The following CYFIP1 variants were observed in gnomAD, a reference collection of about 807,000 sequenced individuals.
CYFIP1 encodes cytoplasmic FMR1 interacting protein 1, also known as cytoplasmic FMR1-interacting protein 1.
A neutral mutation model predicts 163.5 loss-of-function variants in CYFIP1; 58 were observed. That is an observed-to-expected ratio of 0.35 (90% CI 0.29 to 0.44). The LOEUF is 0.44. CYFIP1 is among the 20% of genes least tolerant of loss of function. The pLI, the probability that CYFIP1 is intolerant of heterozygous loss-of-function variation, is 1.00. For synonymous variants in CYFIP1, 663 were observed against 660.7 expected (o/e 1.00, Z -0.05); for missense variants, 1,338 against 1,653.8 (o/e 0.81, Z 3.31).
At chr15:22,887,680 G>C (rs1196798245) in intron 23 of CYFIP1, among the ~76,000 whole-genome samples, 2 of 152,132 alleles carry the variant, frequency 1.3e-5, no homozygotes, top group Non-Finnish European at 2.9e-5. Context: ...TGACACATCC[G>C]AGAGACAACA....
intron 1 of CYFIP1, among the ~76,000 whole-genome samples, chr15:22,975,441 CAAAAA>C (rs35556120): frequency 2.8e-5 from 2 of 71,348 alleles, no homozygotes; most frequent in Non-Finnish European, 4.8e-5. Context: ...GACTCCGTCT[CAAAAA>C]AAAAAAAAAA....
At chr15:22,946,339 G>A (rs1281642248) in intron 3 of CYFIP1, among the ~76,000 whole-genome samples, 2 of 151,576 alleles carry the variant, frequency 1.3e-5, no homozygotes, top group East Asian at 1.9e-4. Flanking sequence ...CTGTTGATGA[G>A]ACCATTAAAA....
chr15:22,872,013 G>A (rs1400574694), intron 30 of CYFIP1, among the ~76,000 whole-genome samples: 4 of 152,112 alleles, frequency 2.6e-5, no homozygotes, highest in African/African-American at 7.2e-5. Context: ...TAATACAACA[G>A]GGCTGGGCGC....
chr15:22,917,947 A>G lies in CYFIP1; in HGVS notation c.1527-12T>C. The stretch of plus-strand genomic sequence containing the variant: ...TGGCCTGCAGGACACTGAACACCCC[A>G]CCAAGTGATCAGCAAGGCCCAGAGG... On this transcript the variant is annotated splice_polypyrimidine_tract_variant and intron_variant, in intron 14 of 30. Coordinates refer to ENST00000617928, the MANE Select transcript of CYFIP1 (RefSeq NM_014608.6). This position sits in a 1 kb window ranked among gnomAD's most constrained non-coding sequence, Gnocchi z 4.2. 6.2e-7 allele frequency: 1 copy of G among 1,611,006 alleles called. No individual in the cohort carries two copies. Among genetic ancestry groups the G allele is most frequent in the Non-Finnish European group, 8.5e-7 (1 of 1,178,708 alleles).
At chr15:22,894,772 A>T (rs1396559005) in intron 22 of CYFIP1, among the ~76,000 whole-genome samples, 1 of 148,746 alleles carries the variant, frequency 6.7e-6, no homozygotes, top group Non-Finnish European at 1.5e-5. Flanking sequence ...TTTAATCAAA[A>T]TACATATATA....
At chr15:22,902,277 G>A (rs368713725) in intron 22 of CYFIP1, among the ~76,000 whole-genome samples, 2 of 152,220 alleles carry the variant, frequency 1.3e-5, no homozygotes, top group African/African-American at 2.4e-5. Context: ...TGGGTGCACC[G>A]TGCTGATCTG....
chr15:22,940,865 C>G (rs1007224872), intron 6 of CYFIP1, among the ~76,000 whole-genome samples: 1 of 152,100 alleles, frequency 6.6e-6, no homozygotes, highest in African/African-American at 2.4e-5. Flanking sequence ...CATGGTGAAA[C>G]CCCATCTCTA....
rs2060707707 is a variant in CYFIP1 at position 22,909,452 on chromosome 15, CCACA to C, written c.2269-143_2269-140del. 6 of 963,546 alleles carry C rather than the reference CCACA, an allele frequency of 6.2e-6. No homozygotes were observed. The Admixed American group carries it at 1.1e-4, about 18-fold the overall frequency. 59.7% of individuals were successfully genotyped at this position (963,546 alleles called of 1,614,324 possible). A position where few individuals can be genotyped will look rare whatever the true frequency, so the allele number is the denominator to read the frequency against. ...ACAACCACGTTCAAGACCCATCTCC[CCACA>C]TACATGGCAGCCTGTGTGTGTCTTT... On this transcript the variant is annotated intron_variant, in intron 20 of 30. Coordinates refer to ENST00000617928, the MANE Select transcript of CYFIP1 (RefSeq NM_014608.6).
chr15:22,935,956 T>A (rs2061698242), intron 9 of CYFIP1, among the ~76,000 whole-genome samples: 1 of 152,148 alleles, frequency 6.6e-6, no homozygotes, highest in Non-Finnish European at 1.5e-5. Flanking sequence ...AGGGTAGGCC[T>A]CTTAGGGGAG....
chr15:22,877,816 G>A (rs574569354), intron 26 of CYFIP1, among the ~76,000 whole-genome samples: 7 of 152,364 alleles, frequency 4.6e-5, no homozygotes, highest in African/African-American at 9.6e-5. Context: ...CTGCCTAGGC[G>A]TGCAGGCATA....
chr15:22,951,316 A>G (rs2062241770), intron 1 of CYFIP1: 1 of 1,141,368 alleles, frequency 8.8e-7, no homozygotes, highest in South Asian at 1.7e-5. Flanking sequence ...ACTCTCGTCC[A>G]CTTCCCTCCA....
rs558071893 is a variant in CYFIP1 at position 22,919,051 on chromosome 15, T to TC, written c.1360-194dup. On this transcript the variant is annotated intron_variant, in intron 13 of 30. Coordinates refer to ENST00000617928, the MANE Select transcript of CYFIP1 (RefSeq NM_014608.6). ...CAATGGAACTGTGCCCGCATCTGAC[T>TC]CCCCATCAGACCATGAGCACCTGGA... 1.6e-3 allele frequency among the ~76,000 whole-genome samples: 243 copies of TC among 152,138 alleles called. 1 individual carries two copies. The highest frequency in any genetic ancestry group is 5.7e-3 in the African/African-American group (236 of 41,480).
At chr15:22,933,235 T>C (rs960837218) in intron 10 of CYFIP1, among the ~76,000 whole-genome samples, 8 of 152,172 alleles carry the variant, frequency 5.3e-5, no homozygotes, top group Non-Finnish European at 1.0e-4. Context: ...GTATCTGTGC[T>C]GTCCAACACA....
Position 22,916,463 on chromosome 15 carries a change from G to A in CYFIP1, c.1828+14C>T, listed in dbSNP as rs1199802392. 6.3e-7 allele frequency: 1 copy of A among 1,579,858 alleles called. No individual in the cohort carries two copies. The stretch of plus-strand genomic sequence containing the variant: ...GACATGCCAGGCCGGATGCTGCTCA[G>A]CAGTATCTCTTACCACTGAAATTTA... On this transcript the variant is annotated intron_variant, in intron 16 of 30. Coordinates refer to ENST00000617928, the MANE Select transcript of CYFIP1 (RefSeq NM_014608.6).
At chr15:22,903,680 G>A (rs893813794) in intron 22 of CYFIP1, 26 bp downstream of exon 22, 3 of 1,612,702 alleles carry the variant, frequency 1.9e-6, no homozygotes, top group East Asian at 4.5e-5. Flanking sequence ...CTCGCCTGTG[G>A]GCGCCTGTGT....
chr15:22,955,696 T>C (rs559327683), intron 1 of CYFIP1, among the ~76,000 whole-genome samples: 11 of 152,194 alleles, frequency 7.2e-5, no homozygotes, highest in African/African-American at 2.6e-4. Context: ...CTTTAACCCA[T>C]CTAGATGTGG....
rs184223878 is a variant in CYFIP1 at position 22,961,480 on chromosome 15, G to A, written c.-6-14189C>T. ...TGCAGCCTCAACTTCTCAGGCTCAAGTGATCCTCCCACCTCAGCCCCCCAG... is the reference window on the plus strand; with the variant it reads ...TGCAGCCTCAACTTCTCAGGCTCAAATGATCCTCCCACCTCAGCCCCCCAG... On this transcript the variant is annotated intron_variant, in intron 1 of 30. Coordinates refer to ENST00000617928, the MANE Select transcript of CYFIP1 (RefSeq NM_014608.6). 5.9e-5 allele frequency among the ~76,000 whole-genome samples: 9 copies of A among 152,300 alleles called. No individual in the cohort carries two copies. The East Asian group carries it at 1.7e-3, about 29-fold the overall frequency.
At chr15:22,913,425 T>C (rs867574851) in intron 17 of CYFIP1, among the ~76,000 whole-genome samples, 4 of 134,588 alleles carry the variant, frequency 3.0e-5, no homozygotes, top group South Asian at 2.4e-4. Flanking sequence ...CTACTTGGGA[T>C]GCTGAGGCCG....
chr15:22,903,077 G>A (rs2060449289), intron 22 of CYFIP1, among the ~76,000 whole-genome samples: 1 of 152,294 alleles, frequency 6.6e-6, no homozygotes, highest in East Asian at 1.9e-4. Flanking sequence ...CGTCTGGATG[G>A]AGCTCAGTGG....
Sources: allele counts gnomAD v4.1 joint callset (sites outside exome capture counted in the v4.1 genomes callset), GRCh38; gene constraint gnomAD v4.1.1; non-coding constraint Gnocchi (gnomAD v3.1); transcripts MANE v1.5; gene names NCBI Gene and HGNC (gene_info 2026-07-23, HGNC 2026-07-21).